Variants in RP1L1 observed in about 807,000 individuals in gnomAD.
RP1L1 encodes RP1 like 1, also known as retinitis pigmentosa 1-like 1 protein.
In RP1L1, 27 loss-of-function variants were observed where a neutral mutation model predicts 15.7. The ratio of observed to expected loss-of-function variants is 1.72; its 90% CI spans 1.27 to 2.38. The LOEUF (loss-of-function observed/expected upper bound fraction) is 2.38. Among genes scored for constraint, RP1L1 ranks in the 30% most tolerant of loss-of-function variants. RP1L1 has a pLI of 0.00. For missense variants in RP1L1, 4,798 were observed against 3,075.9 expected (o/e 1.56, Z -13.24); for synonymous variants, 1,813 against 1,276.7 (o/e 1.42, Z -8.96).
Position 10,623,141 on chromosome 8 carries a change from C to T in RP1L1, c.61G>A (p.Val21Met), listed in dbSNP as rs769826669. The change falls in exon 2 of 4, where the codon GTG becomes ATG. Residue 21 changes from valine (V) to methionine (M), a missense_variant. Coordinates refer to ENST00000382483, the MANE Select transcript of RP1L1 (RefSeq NM_178857.6). ...PSHRECFLPS[V>M]ARTPSVTKVT... Reference sequence around the variant, plus strand: ...TTGGTGACCGAGGGGGTGCGAGCCACAGAGGGCAGGAAGCACTCACGGTGG... The same window carrying T: ...TTGGTGACCGAGGGGGTGCGAGCCATAGAGGGCAGGAAGCACTCACGGTGG... The T allele has an allele frequency of 1.1e-5, 17 of 1,606,596 alleles. No homozygotes were observed. Among genetic ancestry groups the T allele is most frequent in the Non-Finnish European group, 1.4e-5 (17 of 1,176,288 alleles).
At chr8:10,654,196 A>G (rs1798604966) in intron 1 of RP1L1, among the ~76,000 whole-genome samples, 1 of 152,050 alleles carries the variant, frequency 6.6e-6, no homozygotes, top group African/African-American at 2.4e-5. Context: ...CTGGCACTTG[A>G]CTGGCCGCTG....
Position 10,617,550 on chromosome 8 carries a change from T to TC in RP1L1, c.610-964_610-963insG, listed in dbSNP as rs1386472250. 2.8e-3 allele frequency among the ~76,000 whole-genome samples: 260 copies of TC among 94,406 alleles called. 3 individuals carry two copies. The highest frequency in any genetic ancestry group is 0.012 in the African/African-American group (240 of 19,932). The allele number at this position is 94,406 out of a possible 152,430, so 61.9% of individuals were successfully genotyped here. On this transcript the variant is annotated intron_variant, in intron 2 of 3. Transcript: ENST00000382483. ...TGTTTTTTTCTGTTTCTTTTTCTTT[T>TC]TTTTTTTTTTTTTTTTTTTTTTTTG...
chr8:10,624,341 C>G (rs1402879557), intron 1 of RP1L1, among the ~76,000 whole-genome samples: 1 of 152,170 alleles, frequency 6.6e-6, no homozygotes, highest in Non-Finnish European at 1.5e-5. Context: ...CTCCTACACA[C>G]AATAACAAAT....
rs768511044 is a variant in RP1L1, at chr8:10,608,983, T to C, written c.5115A>G (p.Ala1705=). ...RKRGEHTDGE[A]AEVAPGKTHT... Reference sequence around the variant, plus strand: ...GGGTCTTGCCAGGGGCCACCTCTGCTGCCTCCCCATCAGTGTGTTCTCCCC... The same window carrying C: ...GGGTCTTGCCAGGGGCCACCTCTGCCGCCTCCCCATCAGTGTGTTCTCCCC... Residue 1705 remains alanine (A), a synonymous_variant, in exon 4 of 4, where the codon GCA becomes GCG. Coordinates refer to ENST00000382483, the MANE Select transcript of RP1L1 (RefSeq NM_178857.6). The C allele has an allele frequency of 3.1e-6, 5 of 1,613,078 alleles. No homozygotes were observed.
At chr8:10,631,343 ACG>A (rs1401014004) in intron 1 of RP1L1, among the ~76,000 whole-genome samples, 8 of 61,076 alleles carry the variant, frequency 1.3e-4, no homozygotes, top group Non-Finnish European at 2.2e-4. Context: ...ATGCACACAC[ACG>A]CACACACATG....
In RP1L1 at chr8:10,607,426, C is replaced by T. The variant is rs370037887; in HGVS notation, c.6672G>A (p.Glu2224=). The T allele has an allele frequency of 3.5e-5, 56 of 1,613,858 alleles. No individual in the cohort carries two copies. The highest frequency in any genetic ancestry group is 1.8e-4 in the South Asian group (16 of 91,064). ...APEAEEEAQP[E]PEGVETPEAE... The stretch of plus-strand genomic sequence containing the variant: ...CCTCCGGGGTCTCTACGCCTTCTGG[C>T]TCTGGCTGGGCCTCCTCTTCAGCCT... The change falls in exon 4 of 4, where the codon GAG becomes GAA. Residue 2224 remains glutamate, a synonymous_variant. Coordinates refer to ENST00000382483, the MANE Select transcript of RP1L1 (RefSeq NM_178857.6).
chr8:10,619,815 C>T (rs984950488), intron 2 of RP1L1, among the ~76,000 whole-genome samples: 7 of 152,016 alleles, frequency 4.6e-5, no homozygotes, highest in African/African-American at 1.7e-4. Flanking sequence ...AAAACATTAG[C>T]TGGGCATGGT....
rs753622184 is a variant in RP1L1 at position 10,622,648 on chromosome 8, G to A, written c.554C>T (p.Ala185Val). Reference sequence around the variant, plus strand: ...CACAGGAAAGCGCAGGAGATCTGAGGCTTTGCCGAGAAAGGCGGCCAGGTT... The same window carrying A: ...CACAGGAAAGCGCAGGAGATCTGAGACTTTGCCGAGAAAGGCGGCCAGGTT... ...TRNLAAFLGKASDLLRFPVKQ... is the reference protein window; with the variant it reads ...TRNLAAFLGKVSDLLRFPVKQ... The change falls in exon 2 of 4, where the codon GCC becomes GTC. Residue 185 changes from alanine (A) to valine (V), a missense_variant. Transcript: ENST00000382483. The A allele has an allele frequency of 8.7e-6, 14 of 1,614,090 alleles. No homozygotes were observed. The highest frequency in any genetic ancestry group is 1.7e-6 in the Non-Finnish European group (2 of 1,180,058).
At chr8:10,650,132 G>A (rs559147370) in intron 1 of RP1L1, among the ~76,000 whole-genome samples, 3 of 152,320 alleles carry the variant, frequency 2.0e-5, no homozygotes, top group South Asian at 4.1e-4. Context: ...ATTGTCACGT[G>A]TGTATGGAAA....
chr8:10,649,408 A>G (rs887051417), intron 1 of RP1L1, among the ~76,000 whole-genome samples: 3 of 152,180 alleles, frequency 2.0e-5, no homozygotes, highest in Non-Finnish European at 2.9e-5. Flanking sequence ...CCTCAGGATC[A>G]AGGGCTTTGC....
chr8:10,634,988 CTCAG>C (rs1352917332), intron 1 of RP1L1, among the ~76,000 whole-genome samples: 1 of 152,186 alleles, frequency 6.6e-6, no homozygotes, highest in African/African-American at 2.4e-5. Context: ...GCTGGGGCTT[CTCAG>C]TCACTTTTTC....
At chr8:10,631,097 G>A (rs1009243870) in intron 1 of RP1L1, among the ~76,000 whole-genome samples, 8 of 152,064 alleles carry the variant, frequency 5.3e-5, no homozygotes, top group Admixed American at 2.0e-4. Context: ...GGTCGACTTC[G>A]GAACAGGGCC....
In RP1L1 at chr8:10,607,363, A is replaced by C; in HGVS notation, c.6735T>G (p.Thr2245=). 1 of 1,613,896 alleles carries C rather than the reference A, an allele frequency of 6.2e-7. No individual in the cohort carries two copies. Among genetic ancestry groups the C allele is most frequent in the East Asian group, 2.2e-5 (1 of 44,846 alleles). Residue 2245 remains threonine, a synonymous_variant, in exon 4 of 4, where the codon ACT becomes ACG. Coordinates refer to ENST00000382483, the MANE Select transcript of RP1L1 (RefSeq NM_178857.6). ...GAGGGCTCCCCTTTTTCTCACCTTG[A>C]GTTTCTCCTTCTGACTCTGGCTGGG... is the stretch of plus-strand genomic sequence containing the variant. ...GEAQPESEGE[T]QGEKKGSPQV...
intron 1 of RP1L1, among the ~76,000 whole-genome samples, chr8:10,642,555 C>T (rs1384060023): frequency 6.6e-6 from 1 of 152,254 alleles, no homozygotes; most frequent in African/African-American, 2.4e-5. Flanking sequence ...CCAATGATCA[C>T]AGAGACATCA....
rs4840502 is a variant in RP1L1, at chr8:10,610,662, G to T, written c.3436C>A (p.Arg1146=). 5.0e-6 allele frequency: 8 copies of T among 1,613,488 alleles called. No individual in the cohort carries two copies. The highest frequency in any genetic ancestry group is 6.8e-6 in the Non-Finnish European group (8 of 1,179,984). The change falls in exon 4 of 4, where the codon CGG becomes AGG. Residue 1146 remains arginine (R), a synonymous_variant. Coordinates refer to ENST00000382483, the MANE Select transcript of RP1L1 (RefSeq NM_178857.6). ...GAGATGCTGAGCAGCTCCTGGTACC[G>T]AGGGGAGTCTTTGAACCTCACTTTG... ...ASKVRFKDSP[R]YQELLSISKD...
At position 10,634,022 on chromosome 8, in the gene RP1L1, C is replaced by A. The variant is rs148531983; in HGVS notation, c.-19-10802G>T. 3.3e-3 allele frequency among the ~76,000 whole-genome samples: 503 copies of A among 152,210 alleles called. 2 individuals carry two copies. Among genetic ancestry groups the A allele is most frequent in the African/African-American group, 0.011 (475 of 41,526 alleles). On this transcript the variant is annotated intron_variant, in intron 1 of 3. Transcript: ENST00000382483. ...ACCAGGAGGCTCAAGTCACCCTGAT[C>A]CCCAGCTGCAGGCCTGAGGCAGCCT...
intron 1 of RP1L1, among the ~76,000 whole-genome samples, chr8:10,631,367 A>ATG (rs1798246518): frequency 1.5e-5 from 1 of 65,528 alleles, no homozygotes; most frequent in African/African-American, 5.7e-5. Context: ...ACACAAACAC[A>ATG]CATGCACACA....
At chr8:10,650,343 C>A (rs1798540444) in intron 1 of RP1L1, among the ~76,000 whole-genome samples, 1 of 152,196 alleles carries the variant, frequency 6.6e-6, no homozygotes, top group Non-Finnish European at 1.5e-5. Context: ...AGCATCCTAG[C>A]TGCTAATAGT....
In RP1L1 at chr8:10,607,266, T is replaced by A. The variant is rs780335745; in HGVS notation, c.6832A>T (p.Thr2278Ser). 1 of 1,613,968 alleles carries A rather than the reference T, an allele frequency of 6.2e-7. No homozygotes were observed. The highest frequency in any genetic ancestry group is 8.5e-7 in the Non-Finnish European group (1 of 1,179,916). The change falls in exon 4 of 4, where the codon ACT becomes TCT. Residue 2278 changes from threonine (T) to serine (S), a missense_variant. Transcript: ENST00000382483. Reference sequence around the variant, plus strand: ...TCTCCACCTGGGGAAGGGGGTGGAGTGGGCCTGTCCTCAGGGACTGGGCTG... The same window carrying A: ...TCTCCACCTGGGGAAGGGGGTGGAGAGGGCCTGTCCTCAGGGACTGGGCTG... ...SSSPVPEDRPTPPPSPGGDTP... is the reference protein window; with the variant it reads ...SSSPVPEDRPSPPPSPGGDTP...
Sources: gnomAD v4.1 joint callset for allele counts (sites outside exome capture counted in the v4.1 genomes callset) on GRCh38, gnomAD v4.1.1 for gene constraint, MANE v1.5 for transcripts, NCBI Gene and HGNC (gene_info 2026-07-23, HGNC 2026-07-21) for gene names.